Variants in ARK2N observed in about 807,000 individuals in gnomAD.
ARK2N encodes the protein arkadia (RNF111) N-terminal like PKA signaling regulator 2N.
chr18:46,231,157 A>C, the ARK2N span, among the ~76,000 whole-genome samples: 1 of 152,232 alleles, frequency 6.6e-6, no homozygotes, highest in Non-Finnish European at 1.5e-5. Flanking sequence ...GGTCAAGTTA[A>C]AATCTTAAGG....
At chr18:46,178,586 A>T in the ARK2N span, among the ~76,000 whole-genome samples, 403 of 152,354 alleles carry the variant, frequency 2.6e-3, 1 homozygote, top group African/African-American at 9.2e-3. Flanking sequence ...TTGGGATTAT[A>T]GGCGGGAGCC....
At chr18:46,240,262 C>G in the ARK2N span, 3 of 1,492,764 alleles carry the variant, frequency 2.0e-6, no homozygotes, top group Non-Finnish European at 2.7e-6. Context: ...TGTAGTGGAC[C>G]CTGATGAGGA....
the ARK2N span, among the ~76,000 whole-genome samples, chr18:46,208,319 T>A: frequency 6.6e-6 from 1 of 152,178 alleles, no homozygotes; most frequent in African/African-American, 2.4e-5. Context: ...CAGGTTCTTA[T>A]AATGTTTATC....
chr18:46,212,768 A>G, the ARK2N span, among the ~76,000 whole-genome samples: 1 of 152,176 alleles, frequency 6.6e-6, no homozygotes, highest in Non-Finnish European at 1.5e-5. Flanking sequence ...GGGAAAAACA[A>G]TCTAGATTTA....
At chr18:46,195,494 C>A in the ARK2N span, among the ~76,000 whole-genome samples, 1 of 150,338 alleles carries the variant, frequency 6.7e-6, no homozygotes, top group African/African-American at 2.5e-5. Flanking sequence ...AGCAGTCCTC[C>A]TGCCTTGGCC....
At chr18:46,194,415 A>G in the ARK2N span, among the ~76,000 whole-genome samples, 29 of 151,608 alleles carry the variant, frequency 1.9e-4, no homozygotes, top group East Asian at 4.5e-3. Flanking sequence ...CCTGGCCAAC[A>G]TGGTGGAACC....
chr18:46,174,638 C>T, the ARK2N span, among the ~76,000 whole-genome samples: 7 of 152,160 alleles, frequency 4.6e-5, no homozygotes, highest in Non-Finnish European at 1.5e-5. Flanking sequence ...GACGCTGGGG[C>T]CGGGTTGAGG....
chr18:46,207,972 T>G, the ARK2N span, among the ~76,000 whole-genome samples: 1 of 152,234 alleles, frequency 6.6e-6, no homozygotes, highest in Non-Finnish European at 1.5e-5. Flanking sequence ...TCTTGCTTCT[T>G]TCTTGCTTCG....
At chr18:46,227,437 T>C in the ARK2N span, among the ~76,000 whole-genome samples, 1 of 152,220 alleles carries the variant, frequency 6.6e-6, no homozygotes, top group Non-Finnish European at 1.5e-5. Flanking sequence ...GAAAAATTAC[T>C]GCTTTATTTG....
the ARK2N span, among the ~76,000 whole-genome samples, chr18:46,203,255 T>C: frequency 6.6e-6 from 1 of 151,836 alleles, no homozygotes; most frequent in East Asian, 1.9e-4. Context: ...CTATCAAGAG[T>C]AGAATGGATA....
At chr18:46,187,945 A>G in the ARK2N span, among the ~76,000 whole-genome samples, 2 of 152,158 alleles carry the variant, frequency 1.3e-5, no homozygotes, top group African/African-American at 2.4e-5. Context: ...CTCCCCCGCT[A>G]AGTAACTCCC....
At chr18:46,257,677 T>TG in the ARK2N span, among the ~76,000 whole-genome samples, 1 of 151,708 alleles carries the variant, frequency 6.6e-6, no homozygotes, top group South Asian at 2.1e-4. Flanking sequence ...TTTTTTTTTT[T>TG]GTCGTTGGTC....
At chr18:46,243,867 G>T in the ARK2N span, among the ~76,000 whole-genome samples, 2 of 152,206 alleles carry the variant, frequency 1.3e-5, no homozygotes, top group Non-Finnish European at 2.9e-5. Context: ...ACGGAGGACA[G>T]CACATAGTAG....
the ARK2N span, among the ~76,000 whole-genome samples, chr18:46,225,498 G>A: frequency 6.6e-6 from 1 of 151,992 alleles, no homozygotes; most frequent in African/African-American, 2.4e-5. Flanking sequence ...TCGCTTTGTC[G>A]CGCAGGCTGG....
the ARK2N span, among the ~76,000 whole-genome samples, chr18:46,253,494 A>G: frequency 6.6e-6 from 1 of 152,230 alleles, no homozygotes; most frequent in Non-Finnish European, 1.5e-5. Flanking sequence ...GTTTGAATAT[A>G]CATCATGAGC....
the ARK2N span, among the ~76,000 whole-genome samples, chr18:46,255,456 T>C: frequency 1.1e-4 from 15 of 131,930 alleles, no homozygotes; most frequent in South Asian, 2.3e-3. Flanking sequence ...TTTTTTTTTT[T>C]TTTTTTTTTT....
the ARK2N span, among the ~76,000 whole-genome samples, chr18:46,196,418 C>T: frequency 2.0e-5 from 3 of 151,938 alleles, no homozygotes; most frequent in Non-Finnish European, 2.9e-5. Flanking sequence ...CCTGCCACCA[C>T]GCCCTGCTAA....
At chr18:46,229,371 A>G in the ARK2N span, among the ~76,000 whole-genome samples, 6 of 152,142 alleles carry the variant, frequency 3.9e-5, no homozygotes, top group African/African-American at 1.4e-4. Flanking sequence ...TTTTTGAGAC[A>G]GAGTCTCGCT....
At chr18:46,192,569 C>T in the ARK2N span, among the ~76,000 whole-genome samples, 4 of 150,594 alleles carry the variant, frequency 2.7e-5, no homozygotes, top group Admixed American at 2.6e-4. Context: ...GAGCAAGACT[C>T]CATCTCAATT....
Sources: gnomAD v4.1 joint callset for allele counts (sites outside exome capture counted in the v4.1 genomes callset) on GRCh38, gnomAD v4.1.1 for gene constraint, MANE v1.5 for transcripts, NCBI Gene and HGNC (gene_info 2026-07-23, HGNC 2026-07-21) for gene names.